The following KCNH5 variants were observed in gnomAD, a reference collection of about 807,000 sequenced individuals.
KCNH5 encodes the protein voltage-gated delayed rectifier potassium channel KCNH5.
Under a neutral mutation model 96.1 loss-of-function variants are expected in KCNH5, and 46 were observed. The observed-to-expected ratio is 0.48, with a 90% CI of 0.38 to 0.61. The LOEUF is 0.61. KCNH5 is among the 20% of genes least tolerant of loss of function. KCNH5 has a pLI of 0.00. For missense variants in KCNH5, 907 were observed against 1,225.8 expected, an observed-to-expected ratio of 0.74 and a Z score of 3.88; for synonymous variants, 439 against 449.8, an observed-to-expected ratio of 0.98 and a Z score of 0.30.
chr14:62,996,946 T>G (rs1300229880), intron 4 of KCNH5, among the ~76,000 whole-genome samples: 1 of 152,212 alleles, frequency 6.6e-6, no homozygotes, highest in Non-Finnish European at 1.5e-5. Flanking sequence ...TGTATGAAAA[T>G]GTTAGGTCAC....
At chr14:62,903,220 C>T (rs1280572880) in intron 7 of KCNH5, among the ~76,000 whole-genome samples, 1 of 152,142 alleles carries the variant, frequency 6.6e-6, no homozygotes, top group Non-Finnish European at 1.5e-5. Context: ...CTTCTCTTCA[C>T]TCCATAAAAG....
At chr14:62,793,691 T>C (rs1056532569) in intron 9 of KCNH5, among the ~76,000 whole-genome samples, 1 of 151,766 alleles carries the variant, frequency 6.6e-6, no homozygotes, top group Non-Finnish European at 1.5e-5. Context: ...TTTTTAAGTT[T>C]TTTGAACTTT....
At chr14:62,710,884 T>C (rs1388407400) in intron 10 of KCNH5, among the ~76,000 whole-genome samples, 1 of 152,240 alleles carries the variant, frequency 6.6e-6, no homozygotes, top group African/African-American at 2.4e-5. Flanking sequence ...CTTTGTTTAT[T>C]CAAATTTTAA....
At chr14:62,829,189 A>T (rs1199925578) in intron 8 of KCNH5, among the ~76,000 whole-genome samples, 6 of 152,080 alleles carry the variant, frequency 3.9e-5, no homozygotes, top group Non-Finnish European at 8.8e-5. Flanking sequence ...AGCTGCTTTC[A>T]TGGGCTGGTG....
At chr14:62,977,567 G>A (rs766792507) in intron 6 of KCNH5, among the ~76,000 whole-genome samples, 2 of 152,086 alleles carry the variant, frequency 1.3e-5, no homozygotes, top group African/African-American at 2.4e-5. Context: ...ATATGTAATC[G>A]TGTTGTTTGG....
intron 10 of KCNH5, among the ~76,000 whole-genome samples, chr14:62,727,644 T>G (rs1426985296): frequency 6.6e-6 from 1 of 152,040 alleles, no homozygotes; most frequent in East Asian, 1.9e-4. Flanking sequence ...GGCCCTCTCA[T>G]AAGCATGTAA....
At chr14:62,838,408 G>A (rs10047852) in intron 8 of KCNH5, among the ~76,000 whole-genome samples, 16,397 of 152,114 alleles carry the variant, frequency 0.11, 1,112 homozygotes, top group East Asian at 0.29. Context: ...TAGGTCCAAG[G>A]TCTCTAATTG....
chr14:62,757,181 G>A (rs1885641810), intron 10 of KCNH5, among the ~76,000 whole-genome samples: 1 of 152,124 alleles, frequency 6.6e-6, no homozygotes, highest in African/African-American at 2.4e-5. Flanking sequence ...ATGGCAAATA[G>A]GTGTATTAAA....
At chr14:62,924,896 C>A (rs36113694) in intron 7 of KCNH5, among the ~76,000 whole-genome samples, 51,466 of 151,576 alleles carry the variant, frequency 0.34, 9,532 homozygotes, top group South Asian at 0.6. Context: ...TATAGCATGG[C>A]GACTATAGTC....
chr14:62,897,673 T>C (rs1032413156), intron 7 of KCNH5, among the ~76,000 whole-genome samples: 3 of 152,130 alleles, frequency 2.0e-5, no homozygotes, highest in Non-Finnish European at 4.4e-5. Flanking sequence ...TGAGAACTGA[T>C]AGATGTCAAT....
chr14:62,988,160 A>G (rs1890744451), intron 4 of KCNH5, among the ~76,000 whole-genome samples: 1 of 152,116 alleles, frequency 6.6e-6, no homozygotes, highest in Admixed American at 6.6e-5. Flanking sequence ...TAAGAAGTGA[A>G]CAAATAGAAC....
intron 6 of KCNH5, among the ~76,000 whole-genome samples, chr14:62,952,581 T>C (rs1284912581): frequency 1.3e-5 from 2 of 152,206 alleles, no homozygotes; most frequent in East Asian, 1.9e-4. Flanking sequence ...TATTTTCTGG[T>C]TAGCTCAAAC....
chr14:62,950,406 T>C lies in KCNH5; in HGVS notation c.1096A>G (p.Ile366Val), dbSNP rs1162598755. Residue 366 changes from isoleucine to valine, a missense_variant, in exon 7 of 11, where the codon ATA becomes GTA. This residue lies in a region of KCNH5 where 370 missense variants were observed against 561.3 expected (regional missense o/e 0.66). Transcript: ENST00000322893. Reference protein sequence around the residue: ...FGLVAHWLACIWYSIGDYEVI... With the variant: ...FGLVAHWLACVWYSIGDYEVI... ...TCGTAGTCTCCGATGCTATACCATATGCAGGCCAGCCAGTGGGCCACCAGT... is the reference window on the plus strand; with the variant it reads ...TCGTAGTCTCCGATGCTATACCATACGCAGGCCAGCCAGTGGGCCACCAGT... 4.3e-6 allele frequency: 7 copies of C among 1,614,016 alleles called. No individual in the cohort carries two copies. The highest frequency in any genetic ancestry group is 3.3e-5 in the South Asian group (3 of 91,072).
At chr14:63,022,370 G>C (rs1011321791) in intron 1 of KCNH5, among the ~76,000 whole-genome samples, 1 of 152,158 alleles carries the variant, frequency 6.6e-6, no homozygotes, top group East Asian at 1.9e-4. Context: ...AGACTACTCA[G>C]GTAACTGTCT....
chr14:62,776,116 A>T (rs927777734), intron 10 of KCNH5, among the ~76,000 whole-genome samples: 1 of 152,008 alleles, frequency 6.6e-6, no homozygotes, highest in Non-Finnish European at 1.5e-5. Flanking sequence ...AAAATACAAA[A>T]ATTAGCTGGG....
intron 10 of KCNH5, among the ~76,000 whole-genome samples, chr14:62,717,219 A>C (rs929804631): frequency 8.5e-5 from 13 of 152,318 alleles, no homozygotes; most frequent in African/African-American, 2.9e-4. Flanking sequence ...ACCCAAGTTA[A>C]TCTATAGTTT....
At chr14:62,800,969 T>C (rs1159856611) in intron 9 of KCNH5, among the ~76,000 whole-genome samples, 1 of 151,978 alleles carries the variant, frequency 6.6e-6, no homozygotes, top group Non-Finnish European at 1.5e-5. Flanking sequence ...GAAATCTAAC[T>C]GTAATTCTAA....
chr14:62,989,646 C>G (rs546478659), intron 4 of KCNH5, among the ~76,000 whole-genome samples: 2 of 152,170 alleles, frequency 1.3e-5, no homozygotes, highest in South Asian at 2.1e-4. Context: ...CCTCACCTGG[C>G]ACTAACAACA....
At chr14:62,745,762 A>AC (rs1180474707) in intron 10 of KCNH5, among the ~76,000 whole-genome samples, 1 of 152,202 alleles carries the variant, frequency 6.6e-6, no homozygotes, top group East Asian at 1.9e-4. Context: ...ATTCAGCCAT[A>AC]CCTGTGCCTG....
Sources: gnomAD v4.1 joint callset for allele counts (sites outside exome capture counted in the v4.1 genomes callset) on GRCh38, gnomAD v4.1.1 for gene constraint, gnomAD v4.1.1 regional missense constraint, MANE v1.5 for transcripts, NCBI Gene and HGNC (gene_info 2026-07-23, HGNC 2026-07-21) for gene names.